ASTN2: variants seen among roughly 807,000 people sequenced by gnomAD.
ASTN2 encodes astrotactin-2.
In ASTN2, 54 loss-of-function variants were observed where a neutral mutation model predicts 139.8. The observed-to-expected ratio is 0.39, with a 90% confidence interval of 0.31 to 0.48. The LOEUF (loss-of-function observed/expected upper bound fraction) is 0.48, where lower values mean the gene tolerates loss of function less well. Ranked by LOEUF, ASTN2 falls within the 20% of genes least tolerant of loss-of-function variation. The pLI is 0.95. For missense variants in ASTN2, 1,565 were observed against 1,725.1 expected (o/e 0.91, Z 1.64); for synonymous variants, 756 against 719.5 (o/e 1.05, Z -0.81).
At chr9:116,454,689 C>A (rs926075002) in intron 20 of ASTN2, among the ~76,000 whole-genome samples, 1 of 152,168 alleles carries the variant, frequency 6.6e-6, no homozygotes, top group Non-Finnish European at 1.5e-5. Flanking sequence ...CACATATATA[C>A]CATGGAATAC....
At chr9:117,310,654 G>A (rs941969952) in intron 1 of ASTN2, among the ~76,000 whole-genome samples, 2 of 152,074 alleles carry the variant, frequency 1.3e-5, no homozygotes, top group Non-Finnish European at 2.9e-5. Context: ...TTTTGAGATA[G>A]CGTCTCCTGC....
intron 3 of ASTN2, among the ~76,000 whole-genome samples, chr9:117,193,770 C>G (rs569752188): frequency 6.6e-6 from 1 of 151,902 alleles, no homozygotes; most frequent in Non-Finnish European, 1.5e-5. Context: ...TTTGTTAAAA[C>G]AATTCTGCCC....
rs1828726153 is a variant in ASTN2 at position 116,729,656 on chromosome 9, C to CT, written c.2522-561dup. 2.0e-5 allele frequency among the ~76,000 whole-genome samples: 3 copies of CT among 152,336 alleles called. No individual in the cohort carries two copies. The South Asian group carries it at 6.2e-4, about 32-fold the overall frequency. On this transcript the variant is annotated intron_variant, in intron 14 of 22. Coordinates refer to ENST00000313400, the MANE Select transcript of ASTN2 (RefSeq NM_001365068.1). The stretch of plus-strand genomic sequence containing the variant: ...CTGCAAAGGCTAATGCATTTATTAA[C>CT]TTTCCCTTCATGTTTGCTGACCCCT...
intron 4 of ASTN2, among the ~76,000 whole-genome samples, chr9:117,130,631 G>A (rs1324545289): frequency 1.3e-5 from 2 of 152,028 alleles, no homozygotes; most frequent in Non-Finnish European, 2.9e-5. Context: ...CATTTATTTT[G>A]TGTGTATGGA....
At position 116,846,464 on chromosome 9, in the gene ASTN2, C is replaced by T. The variant is rs905140318; in HGVS notation, c.2040+17119G>A. 2.6e-5 allele frequency among the ~76,000 whole-genome samples: 4 copies of T among 152,208 alleles called. 1 individual carries two copies. The South Asian group carries it at 6.2e-4, about 24-fold the overall frequency. ...GAAAATCTAGACCAACTGGAGGGAC[C>T]GGATCAACCCCAAGAGAGAGATAAG... On this transcript the variant is annotated intron_variant, in intron 11 of 22. Coordinates refer to ENST00000313400, the MANE Select transcript of ASTN2 (RefSeq NM_001365068.1).
chr9:116,902,107 G>A (rs1271507157), intron 10 of ASTN2, among the ~76,000 whole-genome samples: 1 of 152,070 alleles, frequency 6.6e-6, no homozygotes, highest in Non-Finnish European at 1.5e-5. Context: ...AAAGCCTCAG[G>A]CATGTCCTTC....
At chr9:117,257,744 C>A (rs1285900480) in intron 2 of ASTN2, among the ~76,000 whole-genome samples, 1 of 152,176 alleles carries the variant, frequency 6.6e-6, no homozygotes, top group Non-Finnish European at 1.5e-5. Flanking sequence ...TCTCCATTCC[C>A]ACAACATAGG....
At chr9:117,210,016 A>G (rs1832068695) in intron 3 of ASTN2, among the ~76,000 whole-genome samples, 1 of 152,172 alleles carries the variant, frequency 6.6e-6, no homozygotes, top group Admixed American at 6.5e-5. Flanking sequence ...AAATGAAAAC[A>G]GAAACACAGC....
At chr9:116,466,831 G>T (rs1449016717) in intron 20 of ASTN2, among the ~76,000 whole-genome samples, 1 of 151,972 alleles carries the variant, frequency 6.6e-6, no homozygotes, top group Non-Finnish European at 1.5e-5. Flanking sequence ...TGATTTGTGG[G>T]GCTTCTGTTT....
At chr9:116,538,071 C>T (rs891188817) in intron 19 of ASTN2, among the ~76,000 whole-genome samples, 10 of 152,104 alleles carry the variant, frequency 6.6e-5, no homozygotes. Context: ...GTTGAACCCA[C>T]TATACAACAA....
In ASTN2 at chr9:116,534,021, T is replaced by G. The variant is rs143957170; in HGVS notation, c.3356-46521A>C. ...TTTTTTTGGTTGGTAGGCTTTAAAT[T>G]ATTGCCTCAGTTTCAGAGCCTGTTA... On this transcript the variant is annotated intron_variant, in intron 19 of 22. Transcript: ENST00000313400. 3.3e-3 allele frequency among the ~76,000 whole-genome samples: 505 copies of G among 152,312 alleles called. 3 individuals are homozygous for G. Among genetic ancestry groups the G allele is most frequent in the African/African-American group, 0.012 (483 of 41,566 alleles).
intron 2 of ASTN2, among the ~76,000 whole-genome samples, chr9:117,233,685 A>T (rs1335406): frequency 0.97 from 146,400 of 150,906 alleles, 71,099 homozygotes; most frequent in Middle Eastern, 1. Context: ...ATTTTTTTTT[A>T]AAAAAAAGAA....
intron 2 of ASTN2, among the ~76,000 whole-genome samples, chr9:117,232,169 T>C (rs1019702133): frequency 6.6e-6 from 1 of 152,180 alleles, no homozygotes; most frequent in Admixed American, 6.5e-5. Context: ...ATTTTACTCA[T>C]CCGTTTAATG....
Position 117,016,623 on chromosome 9 carries a change from T to C in ASTN2, c.1424-8364A>G, listed in dbSNP as rs1220616264. ...ATATATCTATATCTATATCTATCTA[T>C]CTATATATATATATATATATATATA... On this transcript the variant is annotated intron_variant, in intron 6 of 22. Coordinates refer to ENST00000313400, the MANE Select transcript of ASTN2 (RefSeq NM_001365068.1). 8.6e-3 allele frequency among the ~76,000 whole-genome samples: 42 copies of C among 4,876 alleles called. 2 individuals carry two copies. Among genetic ancestry groups the C allele is most frequent in the African/African-American group, 0.016 (41 of 2,614 alleles). 3.2% of individuals were successfully genotyped at this position (4,876 alleles called of 152,430 possible). A position where few individuals can be genotyped will look rare whatever the true frequency, so the allele number is the denominator to read the frequency against.
At chr9:116,565,382 TCTCTCC>T (rs1242937640) in intron 19 of ASTN2, among the ~76,000 whole-genome samples, 155 of 26,790 alleles carry the variant, frequency 5.8e-3, no homozygotes, top group East Asian at 0.019. Context: ...TCTCTCTCTC[TCTCTCC>T]ATATATATAT....
chr9:116,589,213 G>C (rs1014365396), intron 19 of ASTN2, among the ~76,000 whole-genome samples: 1 of 152,170 alleles, frequency 6.6e-6, no homozygotes, highest in Non-Finnish European at 1.5e-5. Context: ...AGGAGAAATA[G>C]ATTGCAATTA....
chr9:117,054,202 G>A (rs768845000), intron 5 of ASTN2, among the ~76,000 whole-genome samples: 3 of 152,150 alleles, frequency 2.0e-5, no homozygotes, highest in Admixed American at 6.6e-5. Context: ...TAGCCCAAGG[G>A]CCATTCTAGA....
At chr9:116,565,434 T>G (rs1853180758) in intron 19 of ASTN2, among the ~76,000 whole-genome samples, 1 of 134,406 alleles carries the variant, frequency 7.4e-6, no homozygotes, top group Non-Finnish European at 1.6e-5. Context: ...TATATATTTA[T>G]TTATTTATTT....
At chr9:117,305,353 TG>T (rs1470968596) in intron 1 of ASTN2, among the ~76,000 whole-genome samples, 2 of 152,188 alleles carry the variant, frequency 1.3e-5, no homozygotes, top group African/African-American at 4.8e-5. Flanking sequence ...TTATGATTAA[TG>T]CCAATCAACC....
Sources: gnomAD v4.1 joint callset for allele counts (sites outside exome capture counted in the v4.1 genomes callset) on GRCh38, gnomAD v4.1.1 for gene constraint, MANE v1.5 for transcripts, NCBI Gene and HGNC (gene_info 2026-07-23, HGNC 2026-07-21) for gene names.